GSDMA: variants seen among roughly 807,000 people sequenced by gnomAD.
GSDMA encodes the protein gasdermin-A.
Under a neutral mutation model 54.3 loss-of-function variants are expected in GSDMA, and 55 were observed. The ratio of observed to expected loss-of-function variants is 1.01; its 90% CI spans 0.82 to 1.27. GSDMA has a LOEUF of 1.27. GSDMA is among the 50% of genes most tolerant of loss of function. The probability of loss-of-function intolerance (pLI) is 0.00; values close to 1 mark genes in which losing one functional copy is unlikely to be tolerated. For missense variants in GSDMA, 542 were observed against 542.6 expected, an observed-to-expected ratio of 1.00 and a Z score of 0.01; for synonymous variants, 211 against 224.7, an observed-to-expected ratio of 0.94 and a Z score of 0.54.
intron 6 of GSDMA, 93 bp from the exon 7 acceptor site, chr17:39,972,494 A>G: frequency 8.6e-7 from 1 of 1,160,990 alleles, no homozygotes; most frequent in Non-Finnish European, 1.3e-6. Flanking sequence ...TGTTTTTATA[A>G]TGATCACTGA....
At position 39,970,564 on chromosome 17, in the gene GSDMA, AC is replaced by A; in HGVS notation, c.476del (p.Thr159ArgfsTer31). 6.2e-7 allele frequency: 1 copy of A among 1,610,372 alleles called. No individual in the cohort carries two copies. Among genetic ancestry groups the A allele is most frequent in the Non-Finnish European group, 8.5e-7 (1 of 1,178,176 alleles). On this transcript the variant is annotated frameshift_variant, in exon 4 of 12. Coordinates refer to ENST00000301659, the MANE Select transcript of GSDMA (RefSeq NM_178171.5). LOFTEE classifies it high-confidence loss of function. ...NLYVVMEVVE[T>X]VQEVTLERAG... is the part of the protein sequence containing the mutation. ...GTATGTGGTGATGGAGGTGGTGGAGACGGTGCAGGAGGTCACACTGGAGCGA... is the reference window on the plus strand; with the variant it reads ...GTATGTGGTGATGGAGGTGGTGGAGAGGTGCAGGAGGTCACACTGGAGCGA...
chr17:39,970,204 C>T (rs1318632394), intron 3 of GSDMA, among the ~76,000 whole-genome samples: 1 of 152,200 alleles, frequency 6.6e-6, no homozygotes, highest in South Asian at 2.1e-4. Flanking sequence ...AGGCCCTGTT[C>T]CTGGCCAGGT....
intron 8 of GSDMA, among the ~76,000 whole-genome samples, chr17:39,974,037 T>C (rs1980080316): frequency 6.6e-6 from 1 of 152,112 alleles, no homozygotes; most frequent in African/African-American, 2.4e-5. Flanking sequence ...AGATTAACTG[T>C]TGGGTTAGAT....
chr17:39,974,940 A>G lies in GSDMA; in HGVS notation c.947A>G (p.Glu316Gly), dbSNP rs749903916. Reference protein sequence around the residue: ...ALDKGHEVTLEALPKDVLLSK... With the variant: ...ALDKGHEVTLGALPKDVLLSK... Reference sequence around the variant, plus strand: ...GACAAGGGACATGAAGTGACCCTGGAGGCACTCCCAAAAGATGTCCTGCTA... The same window carrying G: ...GACAAGGGACATGAAGTGACCCTGGGGGCACTCCCAAAAGATGTCCTGCTA... The change falls in exon 10 of 12, where the codon GAG (glutamate) becomes GGG (glycine). Residue 316 changes from glutamate (E) to glycine (G), a missense_variant. Transcript: ENST00000301659. 3 of 1,612,278 alleles carry G rather than the reference A, an allele frequency of 1.9e-6. No homozygotes were observed. Among genetic ancestry groups the G allele is most frequent in the Non-Finnish European group, 2.5e-6 (3 of 1,179,134 alleles).
At chr17:39,964,491 T>C (rs1314082983) in intron 1 of GSDMA, among the ~76,000 whole-genome samples, 4 of 150,386 alleles carry the variant, frequency 2.7e-5, no homozygotes, top group Non-Finnish European at 3.0e-5. Context: ...ATCGCTTGAA[T>C]CTGAGAGGTG....
intron 2 of GSDMA, 137 bp from the exon 3 acceptor site, chr17:39,966,123 T>C: frequency 1.1e-6 from 1 of 935,950 alleles, no homozygotes; most frequent in East Asian, 2.5e-5. Context: ...GATGGGTTCT[T>C]GCTTTGTTGC....
rs112048999 is a variant in GSDMA at position 39,970,430 on chromosome 17, G to T, written c.393-52G>T. ...TGACAGAAGGAAAGAGGAGGGTGTGGTACAGGCAGGAAGGAGCTCTGAACG... is the reference window on the plus strand; with the variant it reads ...TGACAGAAGGAAAGAGGAGGGTGTGTTACAGGCAGGAAGGAGCTCTGAACG... On this transcript the variant is annotated intron_variant, in intron 3 of 11. Coordinates refer to ENST00000301659, the MANE Select transcript of GSDMA (RefSeq NM_178171.5). The T allele has an allele frequency of 3.2e-3, 4,658 of 1,457,796 alleles. 112 individuals are homozygous for T. The African/African-American group carries it at 0.058, about 18-fold the overall frequency. 90.3% of individuals were successfully genotyped at this position (1,457,796 alleles called of 1,614,324 possible). A position where few individuals can be genotyped will look rare whatever the true frequency, so the allele number is the denominator to read the frequency against.
At chr17:39,966,629 C>A (rs11871317) in intron 3 of GSDMA, among the ~76,000 whole-genome samples, 192 bp downstream of exon 3, 3 of 151,922 alleles carry the variant, frequency 2.0e-5, no homozygotes, top group African/African-American at 4.8e-5. Flanking sequence ...TCACACCTCC[C>A]GCTGCTGCCA....
chr17:39,974,984 G>A lies in GSDMA; in HGVS notation c.991G>A (p.Ala331Thr), dbSNP rs559726482. 1.8e-4 allele frequency: 296 copies of A among 1,611,974 alleles called. 3 individuals carry two copies. The South Asian group carries it at 2.3e-3, about 13-fold the overall frequency. Residue 331 changes from alanine (A) to threonine (T), a missense_variant, in exon 10 of 12, where the codon GCC becomes ACC. Physicochemically the swap from Ala to Thr is moderately conservative, Grantham distance 58. Transcript: ENST00000301659. ...CCTGCTATCAAAGGAGGCCGTGGGC[G>A]CCATCCTCTATTTCGTTGGAGCCCT... ...DVLLSKEAVG[A>T]ILYFVGALTE...
Position 39,971,700 on chromosome 17 carries a change from G to A in GSDMA, c.655+80G>A, listed in dbSNP as rs577954400. ...CTGAGGCACCCTGGTCCCCTCTTGC[G>A]GAAATGTCAGAGAATGAGTAGGGGG... On this transcript the variant is annotated intron_variant, in intron 5 of 11. Coordinates refer to ENST00000301659, the MANE Select transcript of GSDMA (RefSeq NM_178171.5). 2.4e-4 allele frequency: 243 copies of A among 1,023,068 alleles called. 2 individuals carry two copies. The African/African-American group carries it at 2.8e-3, about 12-fold the overall frequency. 63.4% of individuals were successfully genotyped at this position (1,023,068 alleles called of 1,614,324 possible). A position where few individuals can be genotyped will look rare whatever the true frequency, so the allele number is the denominator to read the frequency against.
chr17:39,967,996 T>A (rs1310985214), intron 3 of GSDMA, among the ~76,000 whole-genome samples: 1 of 152,234 alleles, frequency 6.6e-6, no homozygotes, highest in Non-Finnish European at 1.5e-5. Flanking sequence ...TAGCTGGGAC[T>A]ACAGGTGTCT....
At chr17:39,972,979 A>T (rs554197772) in intron 7 of GSDMA, among the ~76,000 whole-genome samples, 11 of 150,966 alleles carry the variant, frequency 7.3e-5, no homozygotes, top group South Asian at 2.1e-4. Flanking sequence ...TAAAAAAAAA[A>T]ATTTTTTTTT....
chr17:39,969,400 G>A (rs1979828039), intron 3 of GSDMA, among the ~76,000 whole-genome samples: 1 of 151,026 alleles, frequency 6.6e-6, no homozygotes, highest in Non-Finnish European at 1.5e-5. Flanking sequence ...GGAGCTTTTA[G>A]AGGGAGTTGA....
At chr17:39,974,546 G>C in intron 9 of GSDMA, 119 bp downstream of exon 9, 1 of 1,141,918 alleles carries the variant, frequency 8.8e-7, no homozygotes, top group Non-Finnish European at 1.2e-6. Flanking sequence ...GGGTGGCCAG[G>C]GGAGTCCACC....
At chr17:39,974,870 T>A in intron 9 of GSDMA, 30 bp from the exon 10 acceptor site, 1 of 1,320,858 alleles carries the variant, frequency 7.6e-7, no homozygotes, top group Admixed American at 1.8e-5. Context: ...TCCTATGTTA[T>A]CTTCAATAGT....
At chr17:39,974,168 A>C in intron 8 of GSDMA, 105 bp from the exon 9 acceptor site, 1 of 1,197,874 alleles carries the variant, frequency 8.3e-7, no homozygotes, top group Non-Finnish European at 1.1e-6. Context: ...GGGGTAGAGC[A>C]TGGGTACCTA....
At chr17:39,974,248 G>C (rs950490960) in intron 8 of GSDMA, 25 bp from the exon 9 acceptor site, 7 of 1,592,108 alleles carry the variant, frequency 4.4e-6, no homozygotes, top group Admixed American at 1.8e-5. Flanking sequence ...ATGGAGGGCT[G>C]TGTGTCCCAT....
rs1198345480 is a variant in GSDMA at position 39,972,106 on chromosome 17, C to A, written c.656-23C>A. On this transcript the variant is annotated intron_variant, in intron 5 of 11. Coordinates refer to ENST00000301659, the MANE Select transcript of GSDMA (RefSeq NM_178171.5). The stretch of plus-strand genomic sequence containing the variant: ...GGGCAGCTGCTAAGTGTCCTCCCAC[C>A]CTCCCTCCCTTGCCCTTCACAGATA... 4.6e-6 allele frequency: 5 copies of A among 1,079,444 alleles called. No homozygotes were observed. In the East Asian group the frequency reaches 7.2e-5, roughly 16 times the overall value. The allele number at this position is 1,079,444 out of a possible 1,614,324, so 66.9% of individuals were successfully genotyped here.
Position 39,968,335 on chromosome 17 carries a change from C to T in GSDMA, c.392+1898C>T, listed in dbSNP as rs566021658. Among the ~76,000 whole-genome samples, 520 of 86,440 alleles carry T rather than the reference C, an allele frequency of 6.0e-3. 6 individuals carry two copies. In the Middle Eastern group the frequency reaches 0.067, roughly 11 times the overall value. 56.7% of individuals were successfully genotyped at this position (86,440 alleles called of 152,430 possible). On this transcript the variant is annotated intron_variant, in intron 3 of 11. Coordinates refer to ENST00000301659, the MANE Select transcript of GSDMA (RefSeq NM_178171.5). ...GATTACAGGCGTGAGCCACTGAGCC[C>T]GGTCTTTTTTTTTTTTTTTTTTTTT...
Sources: allele counts gnomAD v4.1 joint callset (sites outside exome capture counted in the v4.1 genomes callset), GRCh38; gene constraint gnomAD v4.1.1; transcripts MANE v1.5; gene names NCBI Gene and HGNC (gene_info 2026-07-23, HGNC 2026-07-21).